NFIB: variants seen among roughly 807,000 people sequenced by gnomAD.
NFIB encodes nuclear factor I B.
Under a neutral mutation model 61.5 loss-of-function variants are expected in NFIB, and 11 were observed. That is an observed-to-expected ratio of 0.18 (90% CI 0.11 to 0.30). The LOEUF is 0.30. Among genes scored for constraint, NFIB ranks in the 10% least tolerant of loss-of-function variants. The pLI, the probability that NFIB is intolerant of heterozygous loss-of-function variation, is 1.00. For missense variants in NFIB, 471 were observed against 608.9 expected (o/e 0.77, Z 2.38); for synonymous variants, 260 against 216.5 (o/e 1.20, Z -1.76).
chr9:14,358,470 T>C (rs2061202299), intron 1 of NFIB, among the ~76,000 whole-genome samples: 2 of 152,182 alleles, frequency 1.3e-5, no homozygotes, highest in African/African-American at 4.8e-5. Flanking sequence ...TGCAGGTACG[T>C]GCATACCCAC....
chr9:14,507,993 C>CACAT, the NFIB span, among the ~76,000 whole-genome samples: 28 of 148,008 alleles, frequency 1.9e-4, no homozygotes, highest in African/African-American at 6.8e-4. Context: ...CACACACACA[C>CACAT]ATATATATAT....
intron 6 of NFIB, among the ~76,000 whole-genome samples, chr9:14,126,638 C>CAA (rs1264215388): frequency 6.6e-6 from 1 of 152,172 alleles, no homozygotes; most frequent in East Asian, 1.9e-4. Context: ...AGAAGAGGAG[C>CAA]AAGCCTCTTG....
At chr9:14,251,159 C>A (rs750196643) in intron 2 of NFIB, among the ~76,000 whole-genome samples, 4 of 152,180 alleles carry the variant, frequency 2.6e-5, no homozygotes, top group Non-Finnish European at 5.9e-5. Flanking sequence ...AAGAACTTTA[C>A]GGTGTTTTTC....
intron 2 of NFIB, among the ~76,000 whole-genome samples, chr9:14,257,434 G>GA (rs1563950538): frequency 6.6e-6 from 1 of 152,142 alleles, no homozygotes; most frequent in Non-Finnish European, 1.5e-5. Context: ...GAACAAGAGA[G>GA]AAAACCTCAA....
chr9:14,216,379 G>A (rs1296119398), intron 2 of NFIB, among the ~76,000 whole-genome samples: 1 of 152,102 alleles, frequency 6.6e-6, no homozygotes, highest in Admixed American at 6.6e-5. Flanking sequence ...TCTCTGTGTG[G>A]ATGAAGTAGA....
chr9:14,319,370 C>T (rs1280325549), intron 1 of NFIB, among the ~76,000 whole-genome samples: 1 of 152,206 alleles, frequency 6.6e-6, no homozygotes, highest in Non-Finnish European at 1.5e-5. Flanking sequence ...CTGTAAGACA[C>T]TTGCTTCACA....
At chr9:14,501,897 A>G in the NFIB span, among the ~76,000 whole-genome samples, 45 of 152,220 alleles carry the variant, frequency 3.0e-4, no homozygotes, top group Admixed American at 2.9e-3. Flanking sequence ...AGATGGAAGA[A>G]TTATTACAGA....
chr9:14,239,109 A>C (rs141205992), intron 2 of NFIB, among the ~76,000 whole-genome samples: 331 of 152,360 alleles, frequency 2.2e-3, no homozygotes, highest in African/African-American at 7.8e-3. Flanking sequence ...GGATTCTAAG[A>C]AACTAAAATT....
rs1396133526 is a variant in NFIB at position 14,086,561 on chromosome 9, A to C, written c.*1748T>G. On this transcript the variant is annotated 3_prime_UTR_variant, in exon 11 of 11. Coordinates refer to ENST00000380953, the MANE Select transcript of NFIB (RefSeq NM_001190737.2). Reference sequence around the variant, plus strand: ...AGAAAAAAACACCAAAATACTGAAAATATTGCTGGTCGATTACAATTTTTA... The same window carrying C: ...AGAAAAAAACACCAAAATACTGAAACTATTGCTGGTCGATTACAATTTTTA... 1 of 214,464 alleles carries C rather than the reference A, an allele frequency of 4.7e-6. No individual in the cohort carries two copies. The highest frequency in any genetic ancestry group is 9.4e-6 in the Non-Finnish European group (1 of 105,856). 13.3% of individuals were successfully genotyped at this position (214,464 alleles called of 1,614,324 possible).
intron 1 of NFIB, among the ~76,000 whole-genome samples, chr9:14,397,397 A>T (rs2061697360): frequency 6.6e-6 from 1 of 152,230 alleles, no homozygotes; most frequent in South Asian, 2.1e-4. Flanking sequence ...AGTGATGACA[A>T]TGGAACTTTA....
chr9:14,434,491 C>T, the NFIB span, among the ~76,000 whole-genome samples: 1 of 152,176 alleles, frequency 6.6e-6, no homozygotes, highest in Non-Finnish European at 1.5e-5. Flanking sequence ...ATGGGGACTG[C>T]AGAGACTCAA....
the NFIB span, among the ~76,000 whole-genome samples, chr9:14,504,017 GT>G: frequency 6.6e-6 from 1 of 152,114 alleles, no homozygotes; most frequent in Non-Finnish European, 1.5e-5. Flanking sequence ...GAGATGTCCA[GT>G]TTCATTCTTC....
At chr9:14,488,250 C>A in the NFIB span, among the ~76,000 whole-genome samples, 1 of 151,930 alleles carries the variant, frequency 6.6e-6, no homozygotes, top group Non-Finnish European at 1.5e-5. Flanking sequence ...GTAGTCCCAA[C>A]TACTCAAGGG....
At chr9:14,201,661 T>G (rs1014958206) in intron 2 of NFIB, among the ~76,000 whole-genome samples, 1 of 152,168 alleles carries the variant, frequency 6.6e-6, no homozygotes. Context: ...CTCTCCAAGA[T>G]TGTGACCTCC....
intron 1 of NFIB, among the ~76,000 whole-genome samples, chr9:14,347,953 C>T (rs151310350): frequency 6.6e-6 from 1 of 152,294 alleles, no homozygotes; most frequent in Non-Finnish European, 1.5e-5. Context: ...GGTGTCTGGT[C>T]TCCGCGCACC....
intron 10 of NFIB, among the ~76,000 whole-genome samples, chr9:14,103,278 T>A (rs115413131): frequency 0.016 from 2,421 of 151,290 alleles, 58 homozygotes; most frequent in African/African-American, 0.056. Context: ...CCTACAGTGC[T>A]AGCAGATTTA....
chr9:14,517,919 T>C, the NFIB span, among the ~76,000 whole-genome samples: 1 of 152,184 alleles, frequency 6.6e-6, no homozygotes, highest in Non-Finnish European at 1.5e-5. Flanking sequence ...AGCTTCAAGA[T>C]GAGTTAGGTG....
At chr9:14,354,705 GCAGT>G (rs1377717272) in intron 1 of NFIB, among the ~76,000 whole-genome samples, 1 of 152,050 alleles carries the variant, frequency 6.6e-6, no homozygotes, top group African/African-American at 2.4e-5. Flanking sequence ...TCTGAGGTGA[GCAGT>G]CAGTTATACC....
intron 2 of NFIB, among the ~76,000 whole-genome samples, chr9:14,291,860 A>G (rs1205402646): frequency 6.6e-6 from 1 of 151,948 alleles, no homozygotes; most frequent in East Asian, 1.9e-4. Context: ...ATGTTATTGG[A>G]AAATTGGCCA....
Sources: gnomAD v4.1 joint callset for allele counts (sites outside exome capture counted in the v4.1 genomes callset) on GRCh38, gnomAD v4.1.1 for gene constraint, MANE v1.5 for transcripts, NCBI Gene and HGNC (gene_info 2026-07-23, HGNC 2026-07-21) for gene names.